The following PLXNB2 variants were observed in gnomAD, a reference collection of about 807,000 sequenced individuals.
PLXNB2 encodes plexin B2, also known as plexin-B2.
PLXNB2 carries 85 observed loss-of-function variants against 202.6 expected under a neutral mutation model. That is an observed-to-expected ratio of 0.42 (90% CI 0.35 to 0.50). The LOEUF (loss-of-function observed/expected upper bound fraction) is 0.50, where lower values mean the gene tolerates loss of function less well. Among genes scored for constraint, PLXNB2 ranks in the 20% least tolerant of loss-of-function variants. The pLI is 0.02. For missense variants in PLXNB2, 2,063 were observed against 2,586.2 expected (o/e 0.80, Z 4.39); for synonymous variants, 1,239 against 1,137.6 (o/e 1.09, Z -1.79).
Position 50,280,513 on chromosome 22 carries a change from T to C in PLXNB2, c.4151A>G (p.Lys1384Arg). The change falls in exon 25 of 37, where the codon AAG becomes AGG. Residue 1384 changes from lysine to arginine, a missense_variant. By Grantham distance (26) the Lys-to-Arg change is conservative. Transcript: ENST00000359337. ...CCTGCGCAGCATCAGCTTGGGGTTC[T>C]TGGCCACCACGTACTGCTCCAGGAG... ...LELLEQYVVA[K>R]NPKLMLRRSE... 6.2e-7 allele frequency: 1 copy of C among 1,610,022 alleles called. No individual in the cohort carries two copies. The highest frequency in any genetic ancestry group is 8.5e-7 in the Non-Finnish European group (1 of 1,179,182).
intron 2 of PLXNB2, among the ~76,000 whole-genome samples, chr22:50,294,176 T>C (rs995375699): frequency 2.6e-5 from 4 of 152,254 alleles, no homozygotes; most frequent in African/African-American, 7.2e-5. Flanking sequence ...CTTCCTGTTT[T>C]GAAGCCCTCC....
intron 1 of PLXNB2, chr22:50,301,365 T>C: frequency 1.0e-6 from 1 of 983,498 alleles, no homozygotes; most frequent in Non-Finnish European, 1.2e-6. Flanking sequence ...CCGTGCTTCC[T>C]GAGGACCTCC....
chr22:50,288,023 C>T lies in PLXNB2; in HGVS notation c.1395G>A (p.Pro465=), dbSNP rs375029835. The part of the protein sequence containing the change: ...AMTQDKVFRL[P]VQECLSYPTC... ...TCGGGTAGCTCAGGCACTCCTGCAC[C>T]GGCAGCCGGAACACCTAGGGCAGCG... The change falls in exon 6 of 37, where the codon CCG becomes CCA. Residue 465 remains proline, a synonymous_variant. Coordinates refer to ENST00000359337, the MANE Select transcript of PLXNB2 (RefSeq NM_012401.4). The surrounding 1 kb of genome is among the most constrained non-coding windows in gnomAD (Gnocchi z 5.0). The T allele has an allele frequency of 2.1e-5, 33 of 1,560,164 alleles. No individual in the cohort carries two copies. Among genetic ancestry groups the T allele is most frequent in the Middle Eastern group, 3.4e-4 (2 of 5,890 alleles).
Position 50,283,756 on chromosome 22 carries a change from A to G in PLXNB2, c.2422-6T>C. The G allele has an allele frequency of 6.2e-7, 1 of 1,613,056 alleles. No homozygotes were observed. ...GGGCCCGTCTCAGGCTGGATCTGAAACCACAGAGCCGGGTGAGCAGGGAGG... is the reference window on the plus strand; with the variant it reads ...GGGCCCGTCTCAGGCTGGATCTGAAGCCACAGAGCCGGGTGAGCAGGGAGG... On this transcript the variant is annotated splice_polypyrimidine_tract_variant and splice_region_variant and intron_variant, in intron 14 of 36. Transcript: ENST00000359337.
intron 1 of PLXNB2, among the ~76,000 whole-genome samples, 164 bp downstream of exon 1, chr22:50,307,389 G>A (rs180707843): frequency 0.014 from 2,139 of 151,434 alleles, 47 homozygotes; most frequent in African/African-American, 0.049. Context: ...TCGCCGGATG[G>A]ACCGACGGAC....
Position 50,291,545 on chromosome 22 carries a change from C to T in PLXNB2, c.-13-948G>A, listed in dbSNP as rs1204579050. Among the ~76,000 whole-genome samples, 2 of 152,022 alleles carry T rather than the reference C, an allele frequency of 1.3e-5. No individual in the cohort carries two copies. The highest frequency in any genetic ancestry group is 6.5e-5 in the Admixed American group (1 of 15,270). Reference sequence around the variant, plus strand: ...TCCCAATAGGAGGAAGATCCAAGGCCCCACAGGTGGACCCAGGACATGCGT... The same window carrying T: ...TCCCAATAGGAGGAAGATCCAAGGCTCCACAGGTGGACCCAGGACATGCGT... On this transcript the variant is annotated intron_variant, in intron 2 of 36. Coordinates refer to ENST00000359337, the MANE Select transcript of PLXNB2 (RefSeq NM_012401.4). This position sits in a 1 kb window ranked among gnomAD's most constrained non-coding sequence, Gnocchi z 4.3.
chr22:50,303,492 C>A (rs1705375011), intron 1 of PLXNB2, among the ~76,000 whole-genome samples: 1 of 152,198 alleles, frequency 6.6e-6, no homozygotes, highest in African/African-American at 2.4e-5. Flanking sequence ...GGAAGAGAGC[C>A]GCAGCCCTAC....
In PLXNB2 at chr22:50,297,431, G is replaced by A. The variant is rs2067360698; in HGVS notation, c.-73-2653C>T. On this transcript the variant is annotated intron_variant, in intron 1 of 36. Transcript: ENST00000359337. This position sits in a 1 kb window ranked among gnomAD's most constrained non-coding sequence, Gnocchi z 5.3. ...TCCACTCTCCTGGAGGAGGCTTTCTGCCGTCCTCTTCCCTGGCCCTCACCG... is the reference window on the plus strand; with the variant it reads ...TCCACTCTCCTGGAGGAGGCTTTCTACCGTCCTCTTCCCTGGCCCTCACCG... Among the ~76,000 whole-genome samples the A allele has an allele frequency of 6.6e-6, 1 of 152,186 alleles. No homozygotes were observed. Among genetic ancestry groups the A allele is most frequent in the Admixed American group, 6.5e-5 (1 of 15,290 alleles).
In PLXNB2 at chr22:50,284,352, G is replaced by A; in HGVS notation, c.2182-139C>T. On this transcript the variant is annotated intron_variant, in intron 12 of 36. Transcript: ENST00000359337. This position sits in a 1 kb window ranked among gnomAD's most constrained non-coding sequence, Gnocchi z 8.0. ...CAGGGGAGGCCTTCAGGTGTCGGAAGTTCGGGAACCCCATGGACGCTGCTC... is the reference window on the plus strand; with the variant it reads ...CAGGGGAGGCCTTCAGGTGTCGGAAATTCGGGAACCCCATGGACGCTGCTC... 4 of 852,206 alleles carry A rather than the reference G, an allele frequency of 4.7e-6. No individual in the cohort carries two copies. Among genetic ancestry groups the A allele is most frequent in the Non-Finnish European group, 7.7e-6 (4 of 521,610 alleles). The allele number at this position is 852,206 out of a possible 1,614,324, so 52.8% of individuals were successfully genotyped here. A position where few individuals can be genotyped will look rare whatever the true frequency, so the allele number is the denominator to read the frequency against.
rs1234743390 is a variant in PLXNB2 at position 50,282,322 on chromosome 22, G to A, written c.2988-9C>T. On this transcript the variant is annotated splice_polypyrimidine_tract_variant and intron_variant, in intron 18 of 36. Coordinates refer to ENST00000359337, the MANE Select transcript of PLXNB2 (RefSeq NM_012401.4). ...TGATGCTGCGGCCACCACTGCGGAG[G>A]GCAGTGCCTTCGTGGGCTCGGCTGG... 36 of 1,587,656 alleles carry A rather than the reference G, an allele frequency of 2.3e-5. No individual in the cohort carries two copies. The highest frequency in any genetic ancestry group is 3.1e-5 in the Non-Finnish European group (36 of 1,167,782).
chr22:50,280,714 G>GGGGGCCCCCCCCCC, intron 24 of PLXNB2, 30 bp downstream of exon 24: 1 of 1,528,950 alleles, frequency 6.5e-7, no homozygotes, highest in Non-Finnish European at 8.9e-7. Flanking sequence ...CCACCTGTGT[G>GGGGGCCCCCCCCCC]CCCTCCCGCC....
chr22:50,286,104 T>A lies in PLXNB2; in HGVS notation c.1878-6A>T, dbSNP rs748539351. On this transcript the variant is annotated splice_polypyrimidine_tract_variant and splice_region_variant and intron_variant, in intron 9 of 36. Transcript: ENST00000359337. ...TGCTCACGCAGGAGATGCACCTGCA[T>A]CCAGAGGGGATCGTGAGCAGGGCTG... 5 of 1,612,174 alleles carry A rather than the reference T, an allele frequency of 3.1e-6. No homozygotes were observed. The highest frequency in any genetic ancestry group is 4.2e-6 in the Non-Finnish European group (5 of 1,179,636).
intron 33 of PLXNB2, 135 bp downstream of exon 33, chr22:50,277,456 C>T (rs758354016): frequency 1.6e-5 from 14 of 902,132 alleles, no homozygotes; most frequent in Middle Eastern, 3.4e-4. Context: ...GCCTCCGCCA[C>T]CCGTCACCTC....
chr22:50,289,387 G>A lies in PLXNB2; in HGVS notation c.1068+130C>T, dbSNP rs1198146935. 1.3e-5 allele frequency: 16 copies of A among 1,232,102 alleles called. No individual in the cohort carries two copies. Among genetic ancestry groups the A allele is most frequent in the East Asian group, 1.3e-4 (5 of 39,152 alleles). The allele number at this position is 1,232,102 out of a possible 1,614,324, so 76.3% of individuals were successfully genotyped here. A position where few individuals can be genotyped will look rare whatever the true frequency, so the allele number is the denominator to read the frequency against. The stretch of plus-strand genomic sequence containing the variant: ...ATTGAGAGATGCGGCACCCACCCAC[G>A]CAAGCGCCCAGGCTGGCGAGAGCCA... On this transcript the variant is annotated intron_variant, in intron 3 of 36. Coordinates refer to ENST00000359337, the MANE Select transcript of PLXNB2 (RefSeq NM_012401.4). The surrounding 1 kb of genome is among the most constrained non-coding windows in gnomAD (Gnocchi z 8.0).
At position 50,297,905 on chromosome 22, in the gene PLXNB2, C is replaced by T. The variant is rs556631904; in HGVS notation, c.-73-3127G>A. On this transcript the variant is annotated intron_variant, in intron 1 of 36. Coordinates refer to ENST00000359337, the MANE Select transcript of PLXNB2 (RefSeq NM_012401.4). The surrounding 1 kb of genome is among the most constrained non-coding windows in gnomAD (Gnocchi z 5.3). ...GTGTGGAAATCTTTACAGCTGTGCCCACTCAGAGAACGCTGCCTCACGACA... is the reference window on the plus strand; with the variant it reads ...GTGTGGAAATCTTTACAGCTGTGCCTACTCAGAGAACGCTGCCTCACGACA... Among the ~76,000 whole-genome samples, 505 of 152,268 alleles carry T rather than the reference C, an allele frequency of 3.3e-3. 3 individuals are homozygous for T. The highest frequency in any genetic ancestry group is 0.024 in the Middle Eastern group (7 of 294).
chr22:50,284,682 C>T lies in PLXNB2; in HGVS notation c.2089-17G>A. On this transcript the variant is annotated splice_polypyrimidine_tract_variant and intron_variant, in intron 11 of 36. Coordinates refer to ENST00000359337, the MANE Select transcript of PLXNB2 (RefSeq NM_012401.4). The surrounding 1 kb of genome is among the most constrained non-coding windows in gnomAD (Gnocchi z 8.0). ...GGAGGAACCCTGCAGACCATGCCGT[C>T]AGGACCCTGGACAGGCGGCTGTGGC... 1 of 1,603,502 alleles carries T rather than the reference C, an allele frequency of 6.2e-7. No homozygotes were observed. The highest frequency in any genetic ancestry group is 1.3e-5 in the African/African-American group (1 of 74,758).
rs763230043 is a variant in PLXNB2 at position 50,283,401 on chromosome 22, C to A, written c.2615G>T (p.Gly872Val). 3.7e-6 allele frequency: 6 copies of A among 1,613,094 alleles called. No homozygotes were observed. The highest frequency in any genetic ancestry group is 1.6e-4 in the Middle Eastern group (1 of 6,084). ...TTTCCCGAAGACGTCCACCTCGACA[C>A]CCCCCGTGAAAGGCGTCTCCGCAGC... ...IEAAETPFTG[G>V]VEVDVFGKLG... The change falls in exon 16 of 37, where the codon GGT becomes GTT. Residue 872 changes from glycine to valine, a missense_variant. This residue lies in a region of PLXNB2 where 1,303 missense variants were observed against 1,476.8 expected (regional missense o/e 0.88). Coordinates refer to ENST00000359337, the MANE Select transcript of PLXNB2 (RefSeq NM_012401.4).
rs201644992 is a variant in PLXNB2 at position 50,278,183 on chromosome 22, G to T, written c.4821C>A (p.Ser1607Arg). 1.2e-6 allele frequency: 2 copies of T among 1,607,002 alleles called. No homozygotes were observed. The highest frequency in any genetic ancestry group is 1.7e-6 in the Non-Finnish European group (2 of 1,179,880). Residue 1607 changes from serine (S) to arginine (R), a missense_variant, in exon 31 of 37, where the codon AGC becomes AGA. By Grantham distance (110) the Ser-to-Arg change is moderately radical. This residue lies in a region of PLXNB2 where 760 missense variants were observed against 1,109.4 expected (regional missense o/e 0.69). Coordinates refer to ENST00000359337, the MANE Select transcript of PLXNB2 (RefSeq NM_012401.4). ...EVDEGKSKRG[S>R]VKEKERTKAI... ...CCTTCGTCCGCTCCTTCTCTTTCACGCTGCCTCTCTTGGACTTGCCCTCGT... is the reference window on the plus strand; with the variant it reads ...CCTTCGTCCGCTCCTTCTCTTTCACTCTGCCTCTCTTGGACTTGCCCTCGT...
In PLXNB2 at chr22:50,277,609, C is replaced by T. The variant is rs367697187; in HGVS notation, c.5178G>A (p.Thr1726=). ...CACTCACGCGGCTCAGCTTATGCTC[C>T]GTGCGCGTGCAGGCATCCATGAAGG... The part of the protein sequence containing the change: ...AQTFMDACTR[T]EHKLSRDSPS... Residue 1726 remains threonine, a synonymous_variant, in exon 33 of 37, where the codon ACG becomes ACA. Coordinates refer to ENST00000359337, the MANE Select transcript of PLXNB2 (RefSeq NM_012401.4). 76 of 1,590,566 alleles carry T rather than the reference C, an allele frequency of 4.8e-5. No individual in the cohort carries two copies. The highest frequency in any genetic ancestry group is 6.1e-5 in the Non-Finnish European group (71 of 1,165,596).
Sources: allele counts gnomAD v4.1 joint callset (sites outside exome capture counted in the v4.1 genomes callset), GRCh38; gene constraint gnomAD v4.1.1; regional missense constraint gnomAD v4.1.1; non-coding constraint Gnocchi (gnomAD v3.1); transcripts MANE v1.5; gene names NCBI Gene and HGNC (gene_info 2026-07-23, HGNC 2026-07-21).